Variants in CACNG2 observed in about 807,000 individuals in gnomAD.
The protein encoded by CACNG2 is voltage-dependent calcium channel gamma-2 subunit.
Under a neutral mutation model 25.9 loss-of-function variants are expected in CACNG2, and 3 were observed. The ratio of observed to expected loss-of-function variants is 0.12; its 90% confidence interval spans 0.05 to 0.30. The LOEUF is 0.30. Ranked by LOEUF, CACNG2 falls within the 10% of genes least tolerant of loss-of-function variation. CACNG2 has a pLI of 1.00. For synonymous variants in CACNG2, 167 were observed against 173.3 expected (o/e 0.96, Z 0.29); for missense variants, 341 against 432.5 (o/e 0.79, Z 1.88).
intron 1 of CACNG2, among the ~76,000 whole-genome samples, chr22:36,641,890 T>C (rs1361646680): frequency 6.6e-6 from 1 of 152,252 alleles, no homozygotes; most frequent in Non-Finnish European, 1.5e-5. Context: ...TTTTATTTCA[T>C]TGGCTTAATC....
intron 1 of CACNG2, among the ~76,000 whole-genome samples, chr22:36,652,498 T>C (rs1024062337): frequency 1.3e-5 from 2 of 152,202 alleles, no homozygotes; most frequent in African/African-American, 4.8e-5. Flanking sequence ...TCACCCCTTT[T>C]AGGTCTTGCT....
At chr22:36,665,950 A>G (rs1029279551) in intron 1 of CACNG2, among the ~76,000 whole-genome samples, 2 of 152,266 alleles carry the variant, frequency 1.3e-5, no homozygotes, top group Non-Finnish European at 2.9e-5. Flanking sequence ...CACAATAGCT[A>G]AAACCCAATA....
intron 1 of CACNG2, among the ~76,000 whole-genome samples, chr22:36,636,932 C>T: frequency 6.6e-6 from 1 of 152,212 alleles, no homozygotes; most frequent in East Asian, 1.9e-4. Context: ...GTGGCATTCC[C>T]AAGATCCATA....
At chr22:36,571,145 G>A (rs572864408) in intron 2 of CACNG2, among the ~76,000 whole-genome samples, 1 of 152,078 alleles carries the variant, frequency 6.6e-6, no homozygotes, top group East Asian at 1.9e-4. Context: ...GAGGCCCAGC[G>A]GCATTGGCAT....
At chr22:36,632,519 C>A (rs1431623458) in intron 1 of CACNG2, among the ~76,000 whole-genome samples, 4 of 151,444 alleles carry the variant, frequency 2.6e-5, no homozygotes, top group Non-Finnish European at 5.9e-5. Context: ...CTTCCCCCTT[C>A]TCTCTCTCTC....
At chr22:36,587,427 C>T (rs1295621610) in intron 2 of CACNG2, 38 bp downstream of exon 2, 13 of 1,465,992 alleles carry the variant, frequency 8.9e-6, no homozygotes, top group Admixed American at 1.7e-5. Context: ...GCAGGGCCCA[C>T]CACCAGGAGG....
intron 2 of CACNG2, among the ~76,000 whole-genome samples, chr22:36,580,282 G>T (rs1199289786): frequency 6.6e-6 from 1 of 152,004 alleles, no homozygotes; most frequent in Non-Finnish European, 1.5e-5. Flanking sequence ...CCATCGTATG[G>T]GTCCTCCCTG....
intron 1 of CACNG2, among the ~76,000 whole-genome samples, chr22:36,627,838 T>G (rs911622068): frequency 6.6e-6 from 1 of 151,956 alleles, no homozygotes; most frequent in African/African-American, 2.4e-5. Context: ...TCAGGGTAAC[T>G]GTTGTCACCT....
chr22:36,581,340 G>A (rs1478162618), intron 2 of CACNG2, among the ~76,000 whole-genome samples: 1 of 152,218 alleles, frequency 6.6e-6, no homozygotes, highest in Admixed American at 6.5e-5. Context: ...GCACTGGGGA[G>A]TAAGAGTGTC....
chr22:36,582,943 T>C (rs1243101982), intron 2 of CACNG2, among the ~76,000 whole-genome samples: 2 of 152,020 alleles, frequency 1.3e-5, no homozygotes, highest in Non-Finnish European at 2.9e-5. Context: ...TTGCTCACAC[T>C]TACAAGTGAA....
chr22:36,581,349 T>C (rs1294336242), intron 2 of CACNG2, among the ~76,000 whole-genome samples: 2 of 152,138 alleles, frequency 1.3e-5, no homozygotes, highest in East Asian at 3.8e-4. Flanking sequence ...AGTAAGAGTG[T>C]CCATTCATTA....
chr22:36,574,380 T>C (rs1935280592), intron 2 of CACNG2, among the ~76,000 whole-genome samples: 1 of 151,964 alleles, frequency 6.6e-6, no homozygotes, highest in Admixed American at 6.6e-5. Context: ...ATATGGGTAG[T>C]GAAGAGGGTG....
chr22:36,676,618 G>A (rs1372798722), intron 1 of CACNG2, among the ~76,000 whole-genome samples: 1 of 152,194 alleles, frequency 6.6e-6, no homozygotes, highest in East Asian at 1.9e-4. Context: ...TCGTGAGGCT[G>A]CTACGAGGCT....
At chr22:36,649,441 G>A (rs574553315) in intron 1 of CACNG2, among the ~76,000 whole-genome samples, 55 of 152,114 alleles carry the variant, frequency 3.6e-4, no homozygotes, top group Non-Finnish European at 7.1e-4. Flanking sequence ...ACAGGCACCC[G>A]CCACTATGCC....
At chr22:36,700,333 T>C (rs1477264175) in intron 1 of CACNG2, among the ~76,000 whole-genome samples, 5 of 152,264 alleles carry the variant, frequency 3.3e-5, no homozygotes, top group African/African-American at 4.8e-5. Flanking sequence ...AAGCTACCTC[T>C]AGTCTGTTTG....
At chr22:36,570,327 G>C (rs1232870632) in intron 2 of CACNG2, among the ~76,000 whole-genome samples, 1 of 152,208 alleles carries the variant, frequency 6.6e-6, no homozygotes, top group African/African-American at 2.4e-5. Context: ...GAATCAGAAC[G>C]GCTTCAGAAG....
chr22:36,692,420 G>T (rs747918516), intron 1 of CACNG2, among the ~76,000 whole-genome samples: 27 of 152,290 alleles, frequency 1.8e-4, no homozygotes. Context: ...AACAAGGATT[G>T]CAATGGAGAG....
intron 1 of CACNG2, among the ~76,000 whole-genome samples, chr22:36,601,113 T>A (rs556050817): frequency 6.6e-6 from 1 of 152,352 alleles, no homozygotes; most frequent in East Asian, 1.9e-4. Context: ...TATTTGCTAC[T>A]TTGAATCCTT....
intron 1 of CACNG2, among the ~76,000 whole-genome samples, chr22:36,590,753 G>A (rs988588318): frequency 2.0e-5 from 3 of 152,098 alleles, no homozygotes; most frequent in Admixed American, 2.0e-4. Context: ...GCTTCCCAGT[G>A]CTGTCGGGGA....
Sources: gnomAD v4.1 joint callset for allele counts (sites outside exome capture counted in the v4.1 genomes callset) on GRCh38, gnomAD v4.1.1 for gene constraint, MANE v1.5 for transcripts, NCBI Gene and HGNC (gene_info 2026-07-23, HGNC 2026-07-21) for gene names.